SPATA13: variants seen among roughly 807,000 people sequenced by gnomAD.
The protein encoded by SPATA13 is spermatogenesis associated 13.
A neutral mutation model predicts 104.0 loss-of-function variants in SPATA13; 50 were observed. The ratio of observed to expected loss-of-function variants is 0.48; its 90% CI spans 0.38 to 0.61. The LOEUF (loss-of-function observed/expected upper bound fraction) is 0.61, where lower values mean the gene tolerates loss of function less well. Ranked by LOEUF, SPATA13 falls within the 20% of genes least tolerant of loss-of-function variation. The pLI is 0.00. For synonymous variants in SPATA13, 606 were observed against 667.5 expected (o/e 0.91, Z 1.42); for missense variants, 1,524 against 1,690.6 (o/e 0.90, Z 1.73).
At chr13:24,163,912 T>C (rs1882614176) in intron 1 of SPATA13, among the ~76,000 whole-genome samples, 1 of 152,212 alleles carries the variant, frequency 6.6e-6, no homozygotes, top group Non-Finnish European at 1.5e-5. Context: ...GGGGAACTCA[T>C]CAGTGCTTTC....
rs933495861 is a variant in SPATA13, at chr13:24,305,598, C to T, written c.*2825C>T. The T allele has an allele frequency of 4.6e-5, 7 of 152,186 alleles. No homozygotes were observed. Among genetic ancestry groups the T allele is most frequent in the Non-Finnish European group, 1.0e-4 (7 of 68,048 alleles). The allele number at this position is 152,186 out of a possible 1,614,324, so 9.4% of individuals were successfully genotyped here. Reference sequence around the variant, plus strand: ...CTTGGAAAGAAAGGGAACAGAGAGCCTCCTCCATGGACAGTGTATGAATTT... The same window carrying T: ...CTTGGAAAGAAAGGGAACAGAGAGCTTCCTCCATGGACAGTGTATGAATTT... On this transcript the variant is annotated 3_prime_UTR_variant, in exon 13 of 13. Transcript: ENST00000382108.
intron 3 of SPATA13, among the ~76,000 whole-genome samples, chr13:24,025,849 G>A (rs1172511088): frequency 6.9e-5 from 10 of 145,742 alleles, no homozygotes; most frequent in South Asian, 2.1e-4. Flanking sequence ...TCACTCTATC[G>A]CCTGGGCTGG....
chr13:24,147,602 T>TA (rs1881973516), intron 3 of SPATA13, among the ~76,000 whole-genome samples: 1 of 152,082 alleles, frequency 6.6e-6, no homozygotes, highest in African/African-American at 2.4e-5. Flanking sequence ...CCACACCTTT[T>TA]AAAAAAACTT....
At chr13:24,124,501 A>C (rs989093965) in intron 3 of SPATA13, among the ~76,000 whole-genome samples, 1 of 152,208 alleles carries the variant, frequency 6.6e-6, no homozygotes, top group African/African-American at 2.4e-5. Context: ...TCTCGAAGGA[A>C]GGTGGATGGC....
intron 3 of SPATA13, among the ~76,000 whole-genome samples, chr13:24,062,886 T>C (rs1284509819): frequency 6.6e-6 from 1 of 152,194 alleles, no homozygotes; most frequent in African/African-American, 2.4e-5. Context: ...TGTTGCAAAC[T>C]GCATGCTTGT....
At position 24,006,747 on chromosome 13, in the gene SPATA13, C is replaced by T. The variant is rs989571140; in HGVS notation, c.-146-10920C>T. On this transcript the variant is annotated intron_variant, in intron 2 of 14. Coordinates refer to the SPATA13 transcript ENST00000424834. ...ACACATGGTGGAGCTGGGAGAGCAC[C>T]GGGACACGCAGCCCAAGCTCCTGGT... 3.9e-5 allele frequency among the ~76,000 whole-genome samples: 6 copies of T among 152,258 alleles called. No homozygotes were observed. The East Asian group carries it at 1.2e-3, about 29-fold the overall frequency.
At chr13:24,133,094 G>A (rs747813025) in intron 3 of SPATA13, among the ~76,000 whole-genome samples, 20 of 152,326 alleles carry the variant, frequency 1.3e-4, no homozygotes, top group East Asian at 1.9e-4. Flanking sequence ...GGATTCCCAC[G>A]TATTTCCAGC....
chr13:23,998,813 T>C (rs1327290923), intron 2 of SPATA13, among the ~76,000 whole-genome samples: 1 of 152,238 alleles, frequency 6.6e-6, no homozygotes, highest in Non-Finnish European at 1.5e-5. Flanking sequence ...TGTTCCAGCA[T>C]CATTTGGTGA....
At chr13:24,069,923 A>T (rs1223809698) in intron 3 of SPATA13, among the ~76,000 whole-genome samples, 2 of 152,196 alleles carry the variant, frequency 1.3e-5, no homozygotes, top group Non-Finnish European at 2.9e-5. Flanking sequence ...TCAGAGGCCA[A>T]AGGAAGGTCC....
At chr13:24,016,681 G>A (rs1054633566) in intron 2 of SPATA13, among the ~76,000 whole-genome samples, 4 of 152,212 alleles carry the variant, frequency 2.6e-5, no homozygotes, top group African/African-American at 9.7e-5. Flanking sequence ...TTCCTGAGCT[G>A]CGTGTCCCCA....
intron 4 of SPATA13, among the ~76,000 whole-genome samples, chr13:24,274,626 C>T (rs1874844491): frequency 6.6e-6 from 1 of 152,282 alleles, no homozygotes; most frequent in Admixed American, 6.5e-5. Flanking sequence ...CTGCTCCCAG[C>T]TGTGAACACG....
chr13:24,145,379 G>T (rs1010031102), intron 3 of SPATA13, among the ~76,000 whole-genome samples: 1 of 152,186 alleles, frequency 6.6e-6, no homozygotes, highest in Non-Finnish European at 1.5e-5. Context: ...ACTTTTCAGG[G>T]GCTTTGAACA....
intron 2 of SPATA13, among the ~76,000 whole-genome samples, chr13:24,005,580 T>G (rs1164516134): frequency 6.6e-6 from 1 of 151,722 alleles, no homozygotes; most frequent in African/African-American, 2.4e-5. Context: ...GGTAAAGGGA[T>G]GAACTCCTGA....
intron 1 of SPATA13, among the ~76,000 whole-genome samples, chr13:24,198,140 C>T (rs7317180): frequency 0.72 from 109,685 of 151,920 alleles, 39,856 homozygotes; most frequent in East Asian, 0.92. Flanking sequence ...GGATTACAGG[C>T]GCCCGCCACC....
chr13:24,123,458 C>G (rs1881107357), intron 3 of SPATA13: 1 of 1,527,630 alleles, frequency 6.5e-7, no homozygotes, highest in African/African-American at 1.4e-5. Flanking sequence ...CGTTATAGAT[C>G]TTTTTCTTCA....
intron 3 of SPATA13, among the ~76,000 whole-genome samples, chr13:24,138,538 T>C (rs917415848): frequency 6.6e-6 from 1 of 152,162 alleles, no homozygotes; most frequent in Non-Finnish European, 1.5e-5. Context: ...CCTTTTCTTA[T>C]GTTAATTTAA....
At chr13:24,195,531 T>A (rs901312863) in intron 1 of SPATA13, among the ~76,000 whole-genome samples, 5 of 152,192 alleles carry the variant, frequency 3.3e-5, no homozygotes, top group Non-Finnish European at 7.3e-5. Flanking sequence ...GCCAAATTAT[T>A]TCCAAAGTGG....
At position 24,190,316 on chromosome 13, in the gene SPATA13, A is replaced by G. The variant is rs1224163353; in HGVS notation, c.-112+29384A>G. ...TATTATATATTATTATATATAATATATAATATTATATATTATTATATATAA... is the reference window on the plus strand; with the variant it reads ...TATTATATATTATTATATATAATATGTAATATTATATATTATTATATATAA... On this transcript the variant is annotated intron_variant, in intron 1 of 12. Coordinates refer to ENST00000382108, the MANE Select transcript of SPATA13 (RefSeq NM_001166271.3). Among the ~76,000 whole-genome samples the G allele has an allele frequency of 3.1e-3, 25 of 8,192 alleles. 6 individuals carry two copies. The highest frequency in any genetic ancestry group is 3.4e-3 in the African/African-American group (25 of 7,312). The allele number at this position is 8,192 out of a possible 152,430, so 5.4% of individuals were successfully genotyped here. A position where few individuals can be genotyped will look rare whatever the true frequency, so the allele number is the denominator to read the frequency against.
chr13:24,026,156 T>C (rs191719677), intron 3 of SPATA13, among the ~76,000 whole-genome samples: 2 of 152,360 alleles, frequency 1.3e-5, no homozygotes, highest in Admixed American at 1.3e-4. Context: ...CCTCAAAGTA[T>C]GATTTTTCAT....
Sources: allele counts gnomAD v4.1 joint callset (sites outside exome capture counted in the v4.1 genomes callset), GRCh38; gene constraint gnomAD v4.1.1; transcripts MANE v1.5; gene names NCBI Gene and HGNC (gene_info 2026-07-23, HGNC 2026-07-21).